Variants in ANK2 observed in about 807,000 individuals in gnomAD.
The protein encoded by ANK2 is ankyrin-2.
Under a neutral mutation model 360.5 loss-of-function variants are expected in ANK2, and 83 were observed. That is an observed-to-expected ratio of 0.23 (90% CI 0.19 to 0.28). The LOEUF is 0.28. Among genes scored for constraint, ANK2 ranks in the 10% least tolerant of loss-of-function variants. The pLI, the probability that ANK2 is intolerant of heterozygous loss-of-function variation, is 1.00. For synonymous variants in ANK2, 1,740 were observed against 1,759.5 expected, an observed-to-expected ratio of 0.99 and a Z score of 0.28; for missense variants, 4,201 against 4,795.7, an observed-to-expected ratio of 0.88 and a Z score of 3.66.
intron 4 of ANK2, among the ~76,000 whole-genome samples, chr4:113,218,981 C>T (rs1055438642): frequency 6.6e-5 from 10 of 152,082 alleles, no homozygotes; most frequent in Non-Finnish European, 1.3e-4. Context: ...CACCCTATAG[C>T]GATTGTTATT....
intron 1 of ANK2, among the ~76,000 whole-genome samples, chr4:113,129,932 A>G (rs180961426): frequency 6.6e-6 from 1 of 152,320 alleles, no homozygotes; most frequent in East Asian, 1.9e-4. Context: ...TTCATTGACC[A>G]CTTTCTATCT....
chr4:112,898,365 G>T (rs149268197), intron 1 of ANK2, among the ~76,000 whole-genome samples: 118 of 152,100 alleles, frequency 7.8e-4, no homozygotes, highest in African/African-American at 2.8e-3. Context: ...GGCTTTCTTT[G>T]TTTTTTATGC....
At chr4:112,919,926 A>G (rs1029232333) in intron 2 of ANK2, among the ~76,000 whole-genome samples, 1 of 152,080 alleles carries the variant, frequency 6.6e-6, no homozygotes, top group Admixed American at 6.5e-5. Flanking sequence ...TATTATATTT[A>G]GAGTTGAATA....
chr4:113,096,809 C>A (rs971769566), intron 1 of ANK2, among the ~76,000 whole-genome samples: 8 of 151,764 alleles, frequency 5.3e-5, no homozygotes, highest in African/African-American at 1.2e-4. Context: ...AGAAAAAAAC[C>A]CAGTAAGTCG....
At chr4:112,747,785 A>T in the ANK2 span, among the ~76,000 whole-genome samples, 1 of 152,072 alleles carries the variant, frequency 6.6e-6, no homozygotes, top group East Asian at 1.9e-4. Context: ...CCAGACTTTA[A>T]CCCTCCAGTC....
At chr4:112,855,401 A>G (rs557255843) in intron 1 of ANK2, among the ~76,000 whole-genome samples, 1 of 152,324 alleles carries the variant, frequency 6.6e-6, no homozygotes, top group South Asian at 2.1e-4. Context: ...AGCCTAATCT[A>G]TAGCTATTGA....
At chr4:113,159,181 C>T (rs2154401467) in intron 1 of ANK2, among the ~76,000 whole-genome samples, 1 of 127,184 alleles carries the variant, frequency 7.9e-6, no homozygotes, top group East Asian at 2.3e-4. Flanking sequence ...CTCTCTCTTT[C>T]TCTTTCCTTC....
chr4:112,861,931 C>T (rs1158150751), intron 1 of ANK2, among the ~76,000 whole-genome samples: 3 of 150,684 alleles, frequency 2.0e-5, no homozygotes, highest in Non-Finnish European at 4.4e-5. Flanking sequence ...AAGACTTTTC[C>T]TTATTCTTTA....
chr4:113,379,651 C>T (rs911426089), intron 45 of ANK2, among the ~76,000 whole-genome samples: 3 of 151,986 alleles, frequency 2.0e-5, no homozygotes, highest in Non-Finnish European at 4.4e-5. Flanking sequence ...AGATTTCAAT[C>T]ATTGGAATCA....
intron 2 of ANK2, among the ~76,000 whole-genome samples, chr4:112,914,350 G>A (rs1008147659): frequency 6.6e-6 from 1 of 152,184 alleles, no homozygotes; most frequent in East Asian, 1.9e-4. Flanking sequence ...GCTGGGCATC[G>A]TGGCTCACGC....
chr4:112,936,392 C>T (rs1561176782), intron 2 of ANK2, among the ~76,000 whole-genome samples: 1 of 151,622 alleles, frequency 6.6e-6, no homozygotes, highest in African/African-American at 2.4e-5. Context: ...GTCACCCAGG[C>T]TGGAGTGTAG....
intron 2 of ANK2, among the ~76,000 whole-genome samples, chr4:112,921,834 C>T (rs6843721): frequency 0.012 from 1,760 of 152,172 alleles, 29 homozygotes; most frequent in African/African-American, 0.032. Context: ...AATAATTAGG[C>T]TTTAATTCAT....
At chr4:113,186,386 C>T (rs2098523903) in intron 2 of ANK2, among the ~76,000 whole-genome samples, 1 of 152,094 alleles carries the variant, frequency 6.6e-6, no homozygotes, top group African/African-American at 2.4e-5. Context: ...ACACAAAAAC[C>T]CCATTTGAAG....
At chr4:113,064,411 C>T (rs2074794201) in intron 1 of ANK2, among the ~76,000 whole-genome samples, 1 of 152,130 alleles carries the variant, frequency 6.6e-6, no homozygotes, top group Admixed American at 6.6e-5. Flanking sequence ...TGTGAGCATA[C>T]ACATAACAGC....
intron 2 of ANK2, among the ~76,000 whole-genome samples, chr4:113,009,925 T>TACACACACAC (rs3028929): frequency 0.012 from 1,768 of 149,636 alleles, 21 homozygotes; most frequent in East Asian, 0.035. Flanking sequence ...TTGTTGAGAG[T>TACACACACAC]ACACACACAC....
chr4:112,824,508 ATTT>A (rs35575987), intron 1 of ANK2, among the ~76,000 whole-genome samples: 12 of 142,066 alleles, frequency 8.4e-5, no homozygotes, highest in African/African-American at 1.0e-4. Context: ...CACCTTTAGC[ATTT>A]TTTTTTTTTT....
At chr4:113,286,381 G>A (rs779023514) in intron 18 of ANK2, among the ~76,000 whole-genome samples, 1 of 152,174 alleles carries the variant, frequency 6.6e-6, no homozygotes, top group Non-Finnish European at 1.5e-5. Flanking sequence ...GAGCTCTCAG[G>A]ATTAAAAAGC....
At chr4:113,152,095 G>GA (rs67160535) in intron 1 of ANK2, among the ~76,000 whole-genome samples, 88,095 of 130,390 alleles carry the variant, frequency 0.68, 30,478 homozygotes, top group African/African-American at 0.8. Context: ...AAAAAAAAAA[G>GA]AAAAAAGAAG....
At chr4:112,893,750 C>T (rs2080887413) in intron 1 of ANK2, among the ~76,000 whole-genome samples, 1 of 152,148 alleles carries the variant, frequency 6.6e-6, no homozygotes. Context: ...AATCCCAGCT[C>T]TTTGGGAGCT....
Sources: gnomAD v4.1 joint callset for allele counts (sites outside exome capture counted in the v4.1 genomes callset) on GRCh38, gnomAD v4.1.1 for gene constraint, MANE v1.5 for transcripts, NCBI Gene and HGNC (gene_info 2026-07-23, HGNC 2026-07-21) for gene names.